ZNF185: variants seen among roughly 807,000 people sequenced by gnomAD.
The protein encoded by ZNF185 is zinc finger protein 185.
Under a neutral mutation model 58.6 loss-of-function variants are expected in ZNF185, and 56 were observed. The ratio of observed to expected loss-of-function variants is 0.95; its 90% CI spans 0.77 to 1.19. ZNF185 has a LOEUF of 1.19. Among genes scored for constraint, ZNF185 ranks in the 50% most tolerant of loss-of-function variants. The probability of loss-of-function intolerance (pLI) is 0.00; values close to 1 mark genes in which losing one functional copy is unlikely to be tolerated. For synonymous variants in ZNF185, 230 were observed against 215.9 expected, an observed-to-expected ratio of 1.07 and a Z score of -0.57; for missense variants, 627 against 573.5, an observed-to-expected ratio of 1.09 and a Z score of -0.95.
chrX:152,912,834 C>G (rs1937575168), upstream of ZNF185, among the ~76,000 whole-genome samples: 1 of 112,383 alleles, frequency 8.9e-6, no homozygotes, highest in Non-Finnish European at 1.9e-5. Flanking sequence ...CCACAGGTTG[C>G]TGGGATGGGG....
intron 14 of ZNF185, among the ~76,000 whole-genome samples, chrX:152,934,623 T>G (rs184378858): frequency 8.9e-6 from 1 of 111,994 alleles, no homozygotes; most frequent in Non-Finnish European, 1.9e-5. Flanking sequence ...AGCATTTGCA[T>G]GTAACCTATG....
intron 15 of ZNF185, among the ~76,000 whole-genome samples, chrX:152,943,227 C>G (rs782537756): frequency 9.0e-6 from 1 of 111,257 alleles, no homozygotes; most frequent in East Asian, 2.8e-4. Flanking sequence ...AACTCCTGAC[C>G]TCAACTGATC....
chrX:152,914,813 TGAATCGGA>T lies in ZNF185; in HGVS notation c.140_147del (p.Glu47GlyfsTer26). 22 of 1,185,399 alleles carry T rather than the reference TGAATCGGA, an allele frequency of 1.9e-5. No individual in the cohort carries two copies. Among genetic ancestry groups the T allele is most frequent in the Non-Finnish European group, 2.5e-5 (22 of 882,900 alleles). The stretch of plus-strand genomic sequence containing the variant: ...ACAAGAGCTGGATTACCAAGCAGGA[TGAATCGGA>T]GGGTCGCACCATGTAAGGCAAGGAG... On this transcript the variant is annotated frameshift_variant, in exon 2 of 23. Coordinates refer to ENST00000449285, the Ensembl canonical transcript of ZNF185. LOFTEE classifies it high-confidence loss of function.
Position 152,939,036 on chromosome X carries a change from G to C in ZNF185, c.1211+873G>C, listed in dbSNP as rs182034787. Among the ~76,000 whole-genome samples, 151 of 111,709 alleles carry C rather than the reference G, an allele frequency of 1.4e-3. 1 individual carries two copies. Among genetic ancestry groups the C allele is most frequent in the African/African-American group, 4.6e-3 (142 of 30,769 alleles). On this transcript the variant is annotated intron_variant, in intron 15 of 22. Coordinates refer to ENST00000449285, the Ensembl canonical transcript of ZNF185. ...CAAAGGACAGAGTGGCTGGAGCTTG[G>C]CCAGTGAGGAGGGCCACAGATGGAG...
chrX:152,900,864 C>T, the ZNF185 span, among the ~76,000 whole-genome samples: 1 of 112,447 alleles, frequency 8.9e-6, no homozygotes, highest in African/African-American at 3.2e-5. Context: ...AAGTTCGGCC[C>T]TTCATGCAAC....
chrX:152,937,851 G>A (rs1234454926), intron 14 of ZNF185, among the ~76,000 whole-genome samples: 1 of 112,453 alleles, frequency 8.9e-6, no homozygotes, highest in Non-Finnish European at 1.9e-5. Context: ...GTCAGGGGCA[G>A]TGTTTGCTCT....
intron 14 of ZNF185, among the ~76,000 whole-genome samples, chrX:152,936,016 A>G (rs2046240067): frequency 8.9e-6 from 1 of 112,740 alleles, no homozygotes; most frequent in South Asian, 3.6e-4. Flanking sequence ...CTGTGGTAAC[A>G]GGAACACATT....
intron 15 of ZNF185, among the ~76,000 whole-genome samples, chrX:152,939,503 T>C (rs1393848421): frequency 2.7e-5 from 3 of 112,124 alleles, no homozygotes; most frequent in Non-Finnish European, 5.6e-5. Context: ...AAAAACTAGT[T>C]TATGAAATCT....
the ZNF185 span, among the ~76,000 whole-genome samples, chrX:152,901,211 T>G: frequency 3.6e-5 from 4 of 110,636 alleles, no homozygotes; most frequent in Non-Finnish European, 7.6e-5. Context: ...CCTACTAAAG[T>G]CTGACTCGCT....
At chrX:152,919,370 C>T (rs935248586) in intron 7 of ZNF185, among the ~76,000 whole-genome samples, 9 of 110,784 alleles carry the variant, frequency 8.1e-5, no homozygotes, top group Non-Finnish European at 1.5e-4. Flanking sequence ...GGCTCTAAAT[C>T]GGTTTGTTAG....
At chrX:152,901,329 C>T in the ZNF185 span, among the ~76,000 whole-genome samples, 423 of 108,391 alleles carry the variant, frequency 3.9e-3, 5 homozygotes, top group African/African-American at 0.014. Context: ...CATAGCACAC[C>T]GCAGCCTCCA....
At chrX:152,938,311 A>G in intron 15 of ZNF185, 148 bp downstream of exon 17, 1 of 499,038 alleles carries the variant, frequency 2.0e-6, no homozygotes, top group Middle Eastern at 5.9e-4. Context: ...CCCCAACCAG[A>G]ACCCTCTGGC....
chrX:152,924,154 G>A (rs1007100881), intron 11 of ZNF185, among the ~76,000 whole-genome samples: 10 of 111,362 alleles, frequency 9.0e-5, no homozygotes, highest in African/African-American at 2.6e-4. Flanking sequence ...TCACTCCGTC[G>A]CCCAGGCTGG....
At position 152,942,007 on chromosome X, in the gene ZNF185, C is replaced by T. The variant is rs1254455900; in HGVS notation, c.1212-3260C>T. Among the ~76,000 whole-genome samples the T allele has an allele frequency of 3.6e-5, 4 of 111,473 alleles. No homozygotes were observed. The East Asian group carries it at 8.6e-4, about 24-fold the overall frequency. On this transcript the variant is annotated intron_variant, in intron 15 of 22. Transcript: ENST00000449285. The stretch of plus-strand genomic sequence containing the variant: ...CACTGGACACGGGTCGTCAGGGCTG[C>T]CCAGGGGGAGGGGGTGTGGACGTGC...
intron 12 of ZNF185, among the ~76,000 whole-genome samples, chrX:152,930,642 G>T (rs189038105): frequency 9.0e-6 from 1 of 111,611 alleles, no homozygotes; most frequent in Non-Finnish European, 1.9e-5. Context: ...AAGGGTGGCA[G>T]TTGACACCTT....
intron 14 of ZNF185, 95 bp from the exon 16 acceptor site, chrX:152,936,323 A>C: frequency 2.7e-6 from 2 of 730,757 alleles, no homozygotes; most frequent in Non-Finnish European, 4.0e-6. Flanking sequence ...CTTGGTCCTC[A>C]TCATCTGTGG....
At chrX:152,959,947 T>G (rs1556908969) in intron 17 of ZNF185, 51 bp downstream of exon 19, 1 of 1,134,920 alleles carries the variant, frequency 8.8e-7, no homozygotes, top group Non-Finnish European at 1.2e-6. Context: ...AGTGTTTTTG[T>G]CCAGGGCAGC....
intron 15 of ZNF185, among the ~76,000 whole-genome samples, chrX:152,938,892 C>A (rs782108622): frequency 1.2e-5 from 1 of 84,488 alleles, no homozygotes; most frequent in African/African-American, 5.7e-5. Context: ...AAAGGCAACT[C>A]AGGCGATCTC....
rs184326818 is a variant in ZNF185, at chrX:152,918,900, C to T, written c.432-83C>T. 1.4e-3 allele frequency: 959 copies of T among 698,982 alleles called. 12 individuals are homozygous for T. The African/African-American group carries it at 0.018, about 13-fold the overall frequency. 57.6% of individuals were successfully genotyped at this position (698,982 alleles called of 1,213,427 possible). On this transcript the variant is annotated intron_variant, in intron 6 of 22. Coordinates refer to ENST00000449285, the Ensembl canonical transcript of ZNF185. Reference sequence around the variant, plus strand: ...CCCAAAGGCAGAGATATTGACTTGCCTCGTCATTGTTGTTGAAAGCCAGGA... The same window carrying T: ...CCCAAAGGCAGAGATATTGACTTGCTTCGTCATTGTTGTTGAAAGCCAGGA...
Sources: allele counts gnomAD v4.1 joint callset (sites outside exome capture counted in the v4.1 genomes callset), GRCh38; gene constraint gnomAD v4.1.1; transcripts MANE v1.5; gene names NCBI Gene and HGNC (gene_info 2026-07-23, HGNC 2026-07-21).